H6PD: variants seen among roughly 807,000 people sequenced by gnomAD.
The protein encoded by H6PD is hexose-6-phosphate dehydrogenase/glucose 1-dehydrogenase.
A neutral mutation model predicts 61.2 loss-of-function variants in H6PD; 48 were observed. The ratio of observed to expected loss-of-function variants is 0.78; its 90% CI spans 0.62 to 1.00. The LOEUF (loss-of-function observed/expected upper bound fraction) is 1.00, where lower values mean the gene tolerates loss of function less well. Among genes scored for constraint, H6PD ranks in the 50% least tolerant of loss-of-function variants. The probability of loss-of-function intolerance (pLI) is 0.00; values close to 1 mark genes in which losing one functional copy is unlikely to be tolerated. For missense variants in H6PD, 1,093 were observed against 1,065.0 expected (o/e 1.03, Z -0.37); for synonymous variants, 480 against 457.9 (o/e 1.05, Z -0.62).
intron 3 of H6PD, among the ~76,000 whole-genome samples, chr1:9,253,206 C>T (rs550578857): frequency 2.0e-5 from 3 of 152,198 alleles, no homozygotes; most frequent in Non-Finnish European, 2.9e-5. Flanking sequence ...ATCTACAGGC[C>T]GTGTTAAACA....
At position 9,264,545 on chromosome 1, in the gene H6PD, C is replaced by G. The variant is rs1216415208; in HGVS notation, c.2052C>G (p.Ser684Arg). ...AGATCTCAGCCCTGGTGGCCAACAGCAGCTTCGACCTGGTGCTGCTGGGCA... is the reference window on the plus strand; with the variant it reads ...AGATCTCAGCCCTGGTGGCCAACAGGAGCTTCGACCTGGTGCTGCTGGGCA... ...AREISALVANSSFDLVLLGMG... is the reference protein window; with the variant it reads ...AREISALVANRSFDLVLLGMG... The change falls in exon 5 of 5, where the codon AGC becomes AGG. Residue 684 changes from serine (S) to arginine (R), a missense_variant. Ser to Arg is a moderately radical substitution (Grantham distance 110). Transcript: ENST00000377403. The G allele has an allele frequency of 4.3e-6, 7 of 1,613,294 alleles. No individual in the cohort carries two copies. The South Asian group carries it at 7.7e-5, about 18-fold the overall frequency.
In H6PD at chr1:9,245,672, CAG is replaced by C. The variant is rs980672692; in HGVS notation, c.627+114_627+115del. On this transcript the variant is annotated intron_variant, in intron 2 of 4. Coordinates refer to ENST00000377403, the MANE Select transcript of H6PD (RefSeq NM_004285.4). This position sits in a 1 kb window ranked among gnomAD's most constrained non-coding sequence, Gnocchi z 4.8. ...GCTAGGCCCCAAGGCATTGTGAACT[CAG>C]AGCTCCCATGGTCTCCTTGAAGGTG... 21 of 1,081,564 alleles carry C rather than the reference CAG, an allele frequency of 1.9e-5. No homozygotes were observed. Among genetic ancestry groups the C allele is most frequent in the African/African-American group, 6.2e-5 (4 of 64,442 alleles). 67.0% of individuals were successfully genotyped at this position (1,081,564 alleles called of 1,614,324 possible). A position where few individuals can be genotyped will look rare whatever the true frequency, so the allele number is the denominator to read the frequency against.
intron 3 of H6PD, among the ~76,000 whole-genome samples, chr1:9,250,598 G>T (rs976940543): frequency 3.2e-4 from 49 of 152,044 alleles, no homozygotes; most frequent in Non-Finnish European, 2.1e-4. Flanking sequence ...AAGGGTTCTG[G>T]TGGATCCCAG....
In H6PD at chr1:9,245,806, G is replaced by C. The variant is rs755897524; in HGVS notation, c.627+245G>C. On this transcript the variant is annotated intron_variant, in intron 2 of 4. Coordinates refer to ENST00000377403, the MANE Select transcript of H6PD (RefSeq NM_004285.4). This position sits in a 1 kb window ranked among gnomAD's most constrained non-coding sequence, Gnocchi z 4.8. ...CCTTTGCAAAGCCCCCGTTCTCGTT[G>C]TTTCCCAGTCTGGGCTCTGGCTTCT... Among the ~76,000 whole-genome samples the C allele has an allele frequency of 1.8e-4, 27 of 152,144 alleles. No individual in the cohort carries two copies. The highest frequency in any genetic ancestry group is 2.9e-5 in the Non-Finnish European group (2 of 68,022).
Position 9,263,910 on chromosome 1 carries a change from TTCA to T in H6PD, c.1421_1423del (p.Ile474del). 6.2e-7 allele frequency: 1 copy of T among 1,614,174 alleles called. No homozygotes were observed. The highest frequency in any genetic ancestry group is 8.5e-7 in the Non-Finnish European group (1 of 1,180,030). ...TATCTTCCATGGCCGGAAGAATTTC[TTCA>T]TCACCACAGAGAACTTGCTGGCCTC... On this transcript the variant is annotated inframe_deletion, in exon 5 of 5. Transcript: ENST00000377403.
At position 9,262,297 on chromosome 1, in the gene H6PD, CAG is replaced by C. The variant is rs773319726; in HGVS notation, c.985_986del (p.Ser329LeufsTer16). ...TGCGCAGAGAGCTGCAGAAGCCAGA[CAG>C]CTTCCACAGCCTGACGCCGACCTTC... The part of the protein sequence containing the change: ...QVRRELQKPD[S>X]FHSLTPTFAA... On this transcript the variant is annotated frameshift_variant, in exon 4 of 5. Coordinates refer to ENST00000377403, the MANE Select transcript of H6PD (RefSeq NM_004285.4). LOFTEE classifies it low-confidence loss of function (END_TRUNC). 6.2e-7 allele frequency: 1 copy of C among 1,607,788 alleles called. No individual in the cohort carries two copies. The highest frequency in any genetic ancestry group is 1.7e-5 in the Admixed American group (1 of 59,084).
At chr1:9,240,978 T>A (rs1050513604) in intron 1 of H6PD, among the ~76,000 whole-genome samples, 2 of 152,098 alleles carry the variant, frequency 1.3e-5, no homozygotes, top group Admixed American at 6.5e-5. Context: ...TGGGCCTGCT[T>A]CTTTCCCTGT....
intron 1 of H6PD, chr1:9,239,848 G>C: frequency 2.3e-6 from 1 of 441,252 alleles, no homozygotes; most frequent in Non-Finnish European, 3.8e-6. Context: ...TGGTTTACCA[G>C]AAAACGCTCT....
chr1:9,251,828 A>G (rs1450105796), intron 3 of H6PD, among the ~76,000 whole-genome samples: 1 of 150,568 alleles, frequency 6.6e-6, no homozygotes, highest in African/African-American at 2.4e-5. Flanking sequence ...TTTTATTTTT[A>G]GTAATCCCAG....
At position 9,264,689 on chromosome 1, in the gene H6PD, C is replaced by T; in HGVS notation, c.2196C>T (p.Ser732=). 1.2e-6 allele frequency: 2 copies of T among 1,613,426 alleles called. No homozygotes were observed. Among genetic ancestry groups the T allele is most frequent in the Admixed American group, 1.7e-5 (1 of 60,030 alleles). ...PSQPHRRMSL[S]LPLINRAKKV... ...AGCCACACCGCCGCATGAGCCTTAG[C>T]CTGCCTCTCATCAACCGCGCCAAGA... Residue 732 remains serine (S), a synonymous_variant, in exon 5 of 5, where the codon AGC becomes AGT. Transcript: ENST00000377403.
chr1:9,256,149 G>T (rs888352182), intron 3 of H6PD, among the ~76,000 whole-genome samples: 8 of 152,262 alleles, frequency 5.3e-5, no homozygotes, highest in African/African-American at 1.7e-4. Flanking sequence ...GAGGATAAAT[G>T]GACTGATCCA....
chr1:9,251,913 A>T (rs1641378126), intron 3 of H6PD, among the ~76,000 whole-genome samples: 1 of 149,066 alleles, frequency 6.7e-6, no homozygotes. Flanking sequence ...TGTTGAGAAA[A>T]CCTGGATTTC....
chr1:9,245,644 G>A lies in H6PD; in HGVS notation c.627+83G>A. On this transcript the variant is annotated intron_variant, in intron 2 of 4. Transcript: ENST00000377403. The surrounding 1 kb of genome is among the most constrained non-coding windows in gnomAD (Gnocchi z 4.8). ...AGCAACAAAGCCGCTCGCTCATTGT[G>A]GAGCTAGGCCCCAAGGCATTGTGAA... 1 of 1,372,332 alleles carries A rather than the reference G, an allele frequency of 7.3e-7. No homozygotes were observed. The highest frequency in any genetic ancestry group is 1.0e-6 in the Non-Finnish European group (1 of 969,770). 85.0% of individuals were successfully genotyped at this position (1,372,332 alleles called of 1,614,324 possible).
At chr1:9,236,668 T>TAAA (rs34967254) in intron 1 of H6PD, among the ~76,000 whole-genome samples, 12 of 111,444 alleles carry the variant, frequency 1.1e-4, no homozygotes, top group South Asian at 3.0e-4. Flanking sequence ...GACTTCTCCT[T>TAAA]AAAAAAAAAA....
rs1638442473 is a variant in H6PD at position 9,263,945 on chromosome 1, C to T, written c.1452C>T (p.Asn484=). The T allele has an allele frequency of 1.2e-6, 2 of 1,614,208 alleles. No individual in the cohort carries two copies. The highest frequency in any genetic ancestry group is 4.5e-5 in the East Asian group (2 of 44,878). Reference sequence around the variant, plus strand: ...CAGAGAACTTGCTGGCCTCCTGGAACTTCTGGACCCCTCTGCTGGAGAGCC... The same window carrying T: ...CAGAGAACTTGCTGGCCTCCTGGAATTTCTGGACCCCTCTGCTGGAGAGCC... ...ITTENLLASW[N]FWTPLLESLA... Residue 484 remains asparagine, a synonymous_variant, in exon 5 of 5, where the codon AAC becomes AAT. Coordinates refer to ENST00000377403, the MANE Select transcript of H6PD (RefSeq NM_004285.4).
At position 9,266,706 on chromosome 1, in the gene H6PD, G is replaced by A. The variant is rs142748959; in HGVS notation, c.*1837G>A. 6.6e-6 allele frequency: 1 copy of A among 152,314 alleles called. No individual in the cohort carries two copies. Among genetic ancestry groups the A allele is most frequent in the African/African-American group, 2.4e-5 (1 of 41,560 alleles). 9.4% of individuals were successfully genotyped at this position (152,314 alleles called of 1,614,324 possible). A position where few individuals can be genotyped will look rare whatever the true frequency, so the allele number is the denominator to read the frequency against. On this transcript the variant is annotated 3_prime_UTR_variant, in exon 5 of 5. Transcript: ENST00000377403. ...TGGACTGTTTACACTTCAAGGCGGT[G>A]GATTTAGAGGAATCCTGGCTTTCAT...
rs1206925590 is a variant in H6PD at position 9,234,813 on chromosome 1, A to AGGCCTGGGGCCTGG, written c.-254_-253insCTGGGGCCTGGGGC. The AGGCCTGGGGCCTGG allele has an allele frequency of 1.4e-5, 2 of 147,058 alleles. No individual in the cohort carries two copies. The highest frequency in any genetic ancestry group is 4.9e-5 in the African/African-American group (2 of 40,754). 9.1% of individuals were successfully genotyped at this position (147,058 alleles called of 1,614,324 possible). A position where few individuals can be genotyped will look rare whatever the true frequency, so the allele number is the denominator to read the frequency against. Reference sequence around the variant, plus strand: ...CAAGGCGGTGGAGGCCTGAGGCCTGAGGCCTGGGGCGGGGTGGCGGCCGGG... The same window carrying AGGCCTGGGGCCTGG: ...CAAGGCGGTGGAGGCCTGAGGCCTGAGGCCTGGGGCCTGGGGCCTGGGGCGGGGTGGCGGCCGGG... On this transcript the variant is annotated 5_prime_UTR_variant, in exon 1 of 5. Transcript: ENST00000377403.
Position 9,247,034 on chromosome 1 carries a change from C to T in H6PD, c.696C>T (p.His232=), listed in dbSNP as rs757119239. Residue 232 remains histidine (H), a synonymous_variant, in exon 3 of 5, where the codon CAC becomes CAT. Transcript: ENST00000377403. Reference sequence around the variant, plus strand: ...CTTTGGACGGCCTCTGGAACCGGCACCATGTGGAGCGGGTGGAGATCATCA... The same window carrying T: ...CTTTGGACGGCCTCTGGAACCGGCATCATGTGGAGCGGGTGGAGATCATCA... ...RKALDGLWNR[H]HVERVEIIMK... The T allele has an allele frequency of 5.6e-6, 9 of 1,613,826 alleles. No individual in the cohort carries two copies. In the African/African-American group the frequency reaches 9.3e-5, roughly 17 times the overall value.
chr1:9,242,807 A>G (rs910886441), intron 1 of H6PD: 100 of 985,332 alleles, frequency 1.0e-4, no homozygotes, highest in Non-Finnish European at 1.2e-4. Context: ...CTCCTTCTCC[A>G]GGCTGTTCTC....
Sources: gnomAD v4.1 joint callset for allele counts (sites outside exome capture counted in the v4.1 genomes callset) on GRCh38, gnomAD v4.1.1 for gene constraint, Gnocchi (gnomAD v3.1) non-coding constraint, MANE v1.5 for transcripts, NCBI Gene and HGNC (gene_info 2026-07-23, HGNC 2026-07-21) for gene names.